The following SETD2 variants were observed in gnomAD, a reference collection of about 807,000 sequenced individuals.
SETD2 encodes the protein histone-lysine N-methyltransferase SETD2.
Under a neutral mutation model 242.1 loss-of-function variants are expected in SETD2, and 31 were observed. The ratio of observed to expected loss-of-function variants is 0.13; its 90% CI spans 0.10 to 0.17. The LOEUF is 0.17. Among genes scored for constraint, SETD2 ranks in the 10% least tolerant of loss-of-function variants. The probability of loss-of-function intolerance (pLI) is 1.00; values close to 1 mark genes in which losing one functional copy is unlikely to be tolerated. For synonymous variants in SETD2, 1,006 were observed against 1,066.5 expected, an observed-to-expected ratio of 0.94 and a Z score of 1.11; for missense variants, 2,481 against 3,046.3, an observed-to-expected ratio of 0.81 and a Z score of 4.37.
At chr3:47,077,533 C>G (rs2041140356) in intron 12 of SETD2, among the ~76,000 whole-genome samples, 2 of 152,148 alleles carry the variant, frequency 1.3e-5, no homozygotes, top group Admixed American at 6.5e-5. Context: ...GTCAGATTAA[C>G]AGATGGAAAC....
Position 47,121,739 on chromosome 3 carries a change from CCTT to C in SETD2, c.2894_2896del (p.Glu965del), listed in dbSNP as rs761511186. 10 of 1,614,072 alleles carry C rather than the reference CCTT, an allele frequency of 6.2e-6. No homozygotes were observed. In the African/African-American group the frequency reaches 1.3e-4, roughly 22 times the overall value. On this transcript the variant is annotated inframe_deletion, in exon 3 of 21. Transcript: ENST00000409792. ...TCTTCTTTCAGGCAATATGGAATTC[CCTT>C]CTTCTTGAGCCTCTTGCAAACATTT...
chr3:47,120,602 T>A lies in SETD2; in HGVS notation c.4034A>T (p.Asp1345Val), dbSNP rs200416051. 6 of 1,613,860 alleles carry A rather than the reference T, an allele frequency of 3.7e-6. No individual in the cohort carries two copies. Among genetic ancestry groups the A allele is most frequent in the Non-Finnish European group, 5.1e-6 (6 of 1,179,794 alleles). The change falls in exon 3 of 21, where the codon GAT becomes GTT. Residue 1345 changes from aspartate (D) to valine (V), a missense_variant. This residue lies in a region of SETD2 where 1,300 missense variants were observed against 1,259.2 expected (regional missense o/e 1.03). Transcript: ENST00000409792. Reference protein sequence around the residue: ...REEEENWDQQDGSHFSDQSDK... With the variant: ...REEEENWDQQVGSHFSDQSDK... The stretch of plus-strand genomic sequence containing the variant: ...GGACTGGTCTGAAAAATGGGATCCA[T>A]CCTGTTGATCCCAATTCTCCTCTTC...
chr3:47,073,952 CAGACTGT>C (rs1174539969), intron 12 of SETD2, among the ~76,000 whole-genome samples: 1 of 152,208 alleles, frequency 6.6e-6, no homozygotes, highest in Non-Finnish European at 1.5e-5. Flanking sequence ...AATTACAACA[CAGACTGT>C]AGCTCAACAA....
rs148310425 is a variant in SETD2 at position 47,111,390 on chromosome 3, A to AC, written c.4715+2485dup. On this transcript the variant is annotated intron_variant, in intron 5 of 20. Coordinates refer to ENST00000409792, the MANE Select transcript of SETD2 (RefSeq NM_014159.7). ...GAGAAGCCTAGGCAACATAGTGAGGACCCCATCTCTACAAAAAATAGAAAA... is the reference window on the plus strand; with the variant it reads ...GAGAAGCCTAGGCAACATAGTGAGGACCCCCATCTCTACAAAAAATAGAAAA... Among the ~76,000 whole-genome samples the AC allele has an allele frequency of 9.9e-3, 1,503 of 152,220 alleles. 30 individuals carry two copies. Among genetic ancestry groups the AC allele is most frequent in the African/African-American group, 0.035 (1,449 of 41,528 alleles).
At position 47,040,343 on chromosome 3, in the gene SETD2, T is replaced by C. The variant is rs371803477; in HGVS notation, c.7238+2218A>G. On this transcript the variant is annotated intron_variant, in intron 17 of 20. Transcript: ENST00000409792. ...AGCAGAAAGGGAAAATATATGAAAA[T>C]TTTAAGCTTCTTTATGTCACAAGAT... Among the ~76,000 whole-genome samples, 15 of 152,206 alleles carry C rather than the reference T, an allele frequency of 9.9e-5. No individual in the cohort carries two copies. In the East Asian group the frequency reaches 2.1e-3, roughly 22 times the overall value.
At chr3:47,032,095 G>A (rs779953414) in intron 18 of SETD2, among the ~76,000 whole-genome samples, 13 of 152,144 alleles carry the variant, frequency 8.5e-5, no homozygotes, top group African/African-American at 1.7e-4. Context: ...TGTGACAGAG[G>A]CATGTAATGT....
intron 14 of SETD2, among the ~76,000 whole-genome samples, chr3:47,058,462 A>AAAAG (rs1174486972): frequency 6.7e-6 from 1 of 149,042 alleles, no homozygotes; most frequent in Admixed American, 6.7e-5. Context: ...AAAAAAAAAA[A>AAAAG]AACACAAAGA....
At position 47,017,799 on chromosome 3, in the gene SETD2, C is replaced by T. The variant is rs2038047420; in HGVS notation, c.7432-60G>A. ...AGTCCAGAGAGGGCAAGGAGTTGTACTGAGGAAATAACTAGAAAAGGTAGT... is the reference window on the plus strand; with the variant it reads ...AGTCCAGAGAGGGCAAGGAGTTGTATTGAGGAAATAACTAGAAAAGGTAGT... On this transcript the variant is annotated intron_variant, in intron 19 of 20. Transcript: ENST00000409792. The surrounding 1 kb of genome is among the most constrained non-coding windows in gnomAD (Gnocchi z 4.8). The T allele has an allele frequency of 8.6e-7, 1 of 1,168,738 alleles. No individual in the cohort carries two copies. Among genetic ancestry groups the T allele is most frequent in the African/African-American group, 1.5e-5 (1 of 66,086 alleles). 72.4% of individuals were successfully genotyped at this position (1,168,738 alleles called of 1,614,324 possible). A position where few individuals can be genotyped will look rare whatever the true frequency, so the allele number is the denominator to read the frequency against.
At chr3:47,034,885 A>G (rs1312381980) in intron 18 of SETD2, among the ~76,000 whole-genome samples, 1 of 152,186 alleles carries the variant, frequency 6.6e-6, no homozygotes, top group African/African-American at 2.4e-5. Flanking sequence ...AAAGAGTGAG[A>G]TGAAGTTCAG....
intron 4 of SETD2, among the ~76,000 whole-genome samples, chr3:47,114,876 C>CAAAA (rs764948151): frequency 3.6e-5 from 2 of 55,044 alleles, no homozygotes; most frequent in Admixed American, 1.9e-4. Flanking sequence ...GAGACTGTCT[C>CAAAA]AAAAAAAAAA....
chr3:47,022,848 T>C (rs1180207266), intron 18 of SETD2, among the ~76,000 whole-genome samples: 3 of 152,226 alleles, frequency 2.0e-5, no homozygotes, highest in Non-Finnish European at 4.4e-5. Context: ...TGAGTACCTT[T>C]ATATTACCCA....
intron 12 of SETD2, 79 bp from the exon 13 acceptor site, chr3:47,067,197 G>A (rs1575718461): frequency 9.5e-7 from 1 of 1,048,968 alleles, no homozygotes; most frequent in Non-Finnish European, 1.5e-6. Context: ...GTTTTCACAT[G>A]ACAATAAAGA....
At chr3:47,151,734 G>A (rs2043989189) in intron 1 of SETD2, among the ~76,000 whole-genome samples, 1 of 151,032 alleles carries the variant, frequency 6.6e-6, no homozygotes, top group Non-Finnish European at 1.5e-5. Context: ...GGCTGAGGCA[G>A]GAGAATTACT....
intron 6 of SETD2, among the ~76,000 whole-genome samples, chr3:47,103,676 A>C (rs2042299634): frequency 6.6e-6 from 1 of 152,158 alleles, no homozygotes; most frequent in African/African-American, 2.4e-5. Flanking sequence ...CCCAATCAAA[A>C]AAAATTTACA....
At chr3:47,100,303 C>T (rs2042160511) in intron 8 of SETD2, among the ~76,000 whole-genome samples, 1 of 152,032 alleles carries the variant, frequency 6.6e-6, no homozygotes, top group Admixed American at 6.6e-5. Flanking sequence ...CTCTGTCACC[C>T]AGGCTGGAGT....
rs2043260833 is a variant in SETD2 at position 47,124,808 on chromosome 3, T to TA, written c.88-261dup. On this transcript the variant is annotated intron_variant, in intron 2 of 20. Coordinates refer to ENST00000409792, the MANE Select transcript of SETD2 (RefSeq NM_014159.7). The stretch of plus-strand genomic sequence containing the variant: ...TTCCCCATTCTTACTTTCTCGTACA[T>TA]AAATAACTTTTTTCAGTTTTATAAC... Among the ~76,000 whole-genome samples, 6 of 152,338 alleles carry TA rather than the reference T, an allele frequency of 3.9e-5. 1 individual carries two copies. The South Asian group carries it at 1.2e-3, about 32-fold the overall frequency.
intron 1 of SETD2, chr3:47,157,462 T>C (rs2044151126): frequency 2.2e-6 from 1 of 456,036 alleles, no homozygotes; most frequent in South Asian, 1.5e-5. Flanking sequence ...CATTTGAACA[T>C]GCTGAAATAT....
At chr3:47,141,716 TACA>T (rs2043733375) in intron 1 of SETD2, among the ~76,000 whole-genome samples, 2 of 152,186 alleles carry the variant, frequency 1.3e-5, no homozygotes, top group South Asian at 2.1e-4. Context: ...ACATACCAAG[TACA>T]ACAATTCAAA....
intron 1 of SETD2, among the ~76,000 whole-genome samples, chr3:47,147,537 C>A (rs1174609583): frequency 1.3e-5 from 2 of 150,140 alleles, no homozygotes; most frequent in East Asian, 4.0e-4. Flanking sequence ...TGGTCTGGAA[C>A]TCCTGATGTC....
Sources: gnomAD v4.1 joint callset for allele counts (sites outside exome capture counted in the v4.1 genomes callset) on GRCh38, gnomAD v4.1.1 for gene constraint, gnomAD v4.1.1 regional missense constraint, Gnocchi (gnomAD v3.1) non-coding constraint, MANE v1.5 for transcripts, NCBI Gene and HGNC (gene_info 2026-07-23, HGNC 2026-07-21) for gene names.